SSC4D: variants seen among roughly 807,000 people sequenced by gnomAD.
The protein encoded by SSC4D is scavenger receptor cysteine-rich domain-containing group B protein.
SSC4D carries 57 observed loss-of-function variants against 63.4 expected under a neutral mutation model. That is an observed-to-expected ratio of 0.90 (90% CI 0.73 to 1.12). The LOEUF (loss-of-function observed/expected upper bound fraction) is 1.12. SSC4D is among the 50% of genes most tolerant of loss of function. The pLI is 0.00. For missense variants in SSC4D, 791 were observed against 806.4 expected, an observed-to-expected ratio of 0.98 and a Z score of 0.23; for synonymous variants, 352 against 345.4, an observed-to-expected ratio of 1.02 and a Z score of -0.21.
In SSC4D at chr7:76,393,650, C is replaced by G; in HGVS notation, c.1088G>C (p.Gly363Ala). 2 of 1,479,668 alleles carry G rather than the reference C, an allele frequency of 1.4e-6. No homozygotes were observed. Among genetic ancestry groups the G allele is most frequent in the South Asian group, 2.6e-5 (2 of 78,030 alleles). 91.7% of individuals were successfully genotyped at this position (1,479,668 alleles called of 1,614,324 possible). ...ATCGTCGCACACGGTGCCCCAGCCC[C>G]CGGCGTGCAACACCTCCACGCGGCC... ...CRGRVEVLHA[G>A]GWGTVCDDDW... The change falls in exon 9 of 11, where the codon GGG becomes GCG. Residue 363 changes from glycine to alanine, a missense_variant. Transcript: ENST00000275560.
Position 76,390,391 on chromosome 7 carries a change from G to T in SSC4D, c.1412-16C>A. ...CGTAGATGCCCTGTGGGGGGACAGGGCTGGGTTGGAAGGGGCTGGTCCATG... is the reference window on the plus strand; with the variant it reads ...CGTAGATGCCCTGTGGGGGGACAGGTCTGGGTTGGAAGGGGCTGGTCCATG... On this transcript the variant is annotated splice_polypyrimidine_tract_variant and intron_variant, in intron 10 of 10. Coordinates refer to ENST00000275560, the MANE Select transcript of SSC4D (RefSeq NM_080744.2). The T allele has an allele frequency of 6.4e-7, 1 of 1,561,628 alleles. No individual in the cohort carries two copies. The highest frequency in any genetic ancestry group is 8.7e-7 in the Non-Finnish European group (1 of 1,153,248).
chr7:76,409,104 G>A (rs1805144956), intron 1 of SSC4D, among the ~76,000 whole-genome samples: 2 of 152,106 alleles, frequency 1.3e-5, no homozygotes, highest in African/African-American at 4.8e-5. Context: ...TTTCTCCATC[G>A]AGACTGCAGA....
rs759473168 is a variant in SSC4D at position 76,400,407 on chromosome 7, G to C, written c.354C>G (p.Gly118=). 2 of 1,603,672 alleles carry C rather than the reference G, an allele frequency of 1.2e-6. No individual in the cohort carries two copies. The highest frequency in any genetic ancestry group is 3.4e-5 in the Admixed American group (2 of 59,108). The change falls in exon 4 of 11, where the codon GGC becomes GGG. Residue 118 remains glycine, a synonymous_variant. Transcript: ENST00000275560. ...PRPLAFGQGR[G]PILLDNVECR... Reference sequence around the variant, plus strand: ...ACTCCACGTTGTCCAGCAGGATGGGGCCTCGGCCTTGGCCAAAGGCAAGGG... The same window carrying C: ...ACTCCACGTTGTCCAGCAGGATGGGCCCTCGGCCTTGGCCAAAGGCAAGGG...
chr7:76,392,177 T>G, intron 9 of SSC4D, 136 bp from the exon 10 acceptor site: 1 of 785,194 alleles, frequency 1.3e-6, no homozygotes, highest in Non-Finnish European at 2.0e-6. Flanking sequence ...CCTGAAGAAC[T>G]GCTCCCCTTG....
rs759473168 is a variant in SSC4D, at chr7:76,400,407, G to T, written c.354C>A (p.Gly118=). ...PRPLAFGQGR[G]PILLDNVECR... is the part of the protein sequence containing the mutation. ...ACTCCACGTTGTCCAGCAGGATGGG[G>T]CCTCGGCCTTGGCCAAAGGCAAGGG... Residue 118 remains glycine, a synonymous_variant, in exon 4 of 11, where the codon GGC becomes GGA. Transcript: ENST00000275560. 1 of 1,603,672 alleles carries T rather than the reference G, an allele frequency of 6.2e-7. No homozygotes were observed. Among genetic ancestry groups the T allele is most frequent in the Admixed American group, 1.7e-5 (1 of 59,108 alleles).
intron 5 of SSC4D, among the ~76,000 whole-genome samples, chr7:76,398,155 G>C (rs149674444): frequency 1.3e-5 from 2 of 151,970 alleles, no homozygotes; most frequent in African/African-American, 4.8e-5. Context: ...CCTGAGGAAC[G>C]GGACCCTCTT....
chr7:76,391,349 G>A (rs1048400488), intron 10 of SSC4D, among the ~76,000 whole-genome samples: 2 of 151,468 alleles, frequency 1.3e-5, no homozygotes, highest in Non-Finnish European at 2.9e-5. Flanking sequence ...GCTGAGGCAC[G>A]AGAATCGCTT....
At chr7:76,394,097 C>A (rs888124307) in intron 7 of SSC4D, among the ~76,000 whole-genome samples, 193 bp from the exon 8 acceptor site, 36 of 152,170 alleles carry the variant, frequency 2.4e-4, no homozygotes, top group Non-Finnish European at 5.9e-5. Context: ...GAACCGAAAG[C>A]TAATTCTAGG....
chr7:76,395,222 C>T, intron 7 of SSC4D, 31 bp downstream of exon 7: 1 of 1,612,324 alleles, frequency 6.2e-7, no homozygotes, highest in Non-Finnish European at 8.5e-7. Context: ...CATACCCCTA[C>T]CATTCCCGCC....
At position 76,400,362 on chromosome 7, in the gene SSC4D, C is replaced by T. The variant is rs149419007; in HGVS notation, c.399G>A (p.Ala133=). 9.6e-5 allele frequency: 152 copies of T among 1,582,226 alleles called. 1 individual carries two copies. The African/African-American group carries it at 1.4e-3, about 14-fold the overall frequency. The change falls in exon 4 of 11, where the codon GCG becomes GCA. Residue 133 remains alanine, a synonymous_variant. Coordinates refer to ENST00000275560, the MANE Select transcript of SSC4D (RefSeq NM_080744.2). ...AGCCGCGGCTGCCGCACTCGCTCAG[C>T]GCAGCTTCCTGCCCGCGGCACTCCA... ...DNVECRGQEA[A]LSECGSRGWG...
At chr7:76,406,266 C>G (rs996950577) in intron 1 of SSC4D, among the ~76,000 whole-genome samples, 1 of 152,194 alleles carries the variant, frequency 6.6e-6, no homozygotes, top group African/African-American at 2.4e-5. Flanking sequence ...GCATGAGCCA[C>G]CGCACCTGGT....
chr7:76,394,148 A>C (rs1050432189), intron 7 of SSC4D, among the ~76,000 whole-genome samples: 1 of 152,136 alleles, frequency 6.6e-6, no homozygotes, highest in Non-Finnish European at 1.5e-5. Context: ...TCCTATCCTA[A>C]TTCCAATTGC....
chr7:76,394,826 A>G (rs1418969265), intron 7 of SSC4D, among the ~76,000 whole-genome samples: 1 of 145,320 alleles, frequency 6.9e-6, no homozygotes, highest in South Asian at 2.1e-4. Context: ...TATAATATAT[A>G]TGATATATAT....
At chr7:76,399,459 C>T (rs1804743208) in intron 4 of SSC4D, among the ~76,000 whole-genome samples, 1 of 152,130 alleles carries the variant, frequency 6.6e-6, no homozygotes, top group South Asian at 2.1e-4. Flanking sequence ...TTCTTGAAAA[C>T]TAGAAGCACT....
chr7:76,391,221 G>C (rs1392332255), intron 10 of SSC4D, among the ~76,000 whole-genome samples: 1 of 152,030 alleles, frequency 6.6e-6, no homozygotes, highest in Non-Finnish European at 1.5e-5. Flanking sequence ...ATCACTTGAG[G>C]TCAGGAGTTC....
At position 76,393,837 on chromosome 7, in the gene SSC4D, C is replaced by G. The variant is rs1381734863; in HGVS notation, c.1014G>C (p.Gly338=). ...ALLTTAAWAA[G]KKSGRLRLVG... ...CCAGGCACCGCCACTTACTTTTCTT[C>G]CCCGCGGCCCAGGCGGCGGTGGTGA... Residue 338 remains glycine, a synonymous_variant, in exon 8 of 11, where the codon GGG becomes GGC. Coordinates refer to ENST00000275560, the MANE Select transcript of SSC4D (RefSeq NM_080744.2). 1.3e-6 allele frequency: 2 copies of G among 1,596,078 alleles called. No individual in the cohort carries two copies. Among genetic ancestry groups the G allele is most frequent in the Middle Eastern group, 1.7e-4 (1 of 6,040 alleles).
At chr7:76,406,516 C>G (rs929751072) in intron 1 of SSC4D, among the ~76,000 whole-genome samples, 2 of 151,878 alleles carry the variant, frequency 1.3e-5, no homozygotes, top group African/African-American at 4.8e-5. Flanking sequence ...TAGGGTCTCA[C>G]TCTGTCACCC....
In SSC4D at chr7:76,390,120, C is replaced by A. The variant is rs777105386; in HGVS notation, c.1667G>T (p.Arg556Leu). ...GTGGTCACAGTTGTGGGCATCCCAG[C>A]GGATATGAGAGCAGAGCAGCAGAGC... The part of the protein sequence containing the change: ...ESALLLCSHI[R>L]WDAHNCDHSE... The change falls in exon 11 of 11, where the codon CGC (arginine) becomes CTC (leucine). Residue 556 changes from arginine (R) to leucine (L), a missense_variant. Transcript: ENST00000275560. 7.4e-6 allele frequency: 12 copies of A among 1,614,066 alleles called. No homozygotes were observed. Among genetic ancestry groups the A allele is most frequent in the Non-Finnish European group, 8.5e-6 (10 of 1,180,032 alleles).
At position 76,389,723 on chromosome 7, in the gene SSC4D, AG is replaced by A. The variant is rs2115728809; in HGVS notation, c.*335del. Reference sequence around the variant, plus strand: ...CCCTGAGCCTCCTGGATCTAGGTCAAGGAAGGCAGAGTCTGGTGCTATAAAA... The same window carrying A: ...CCCTGAGCCTCCTGGATCTAGGTCAAGAAGGCAGAGTCTGGTGCTATAAAA... On this transcript the variant is annotated 3_prime_UTR_variant, in exon 11 of 11. Coordinates refer to ENST00000275560, the MANE Select transcript of SSC4D (RefSeq NM_080744.2). The A allele has an allele frequency of 3.7e-6, 1 of 268,994 alleles. No individual in the cohort carries two copies. Among genetic ancestry groups the A allele is most frequent in the African/African-American group, 2.2e-5 (1 of 45,368 alleles). The allele number at this position is 268,994 out of a possible 1,614,324, so 16.7% of individuals were successfully genotyped here. A position where few individuals can be genotyped will look rare whatever the true frequency, so the allele number is the denominator to read the frequency against.
Sources: gnomAD v4.1 joint callset for allele counts (sites outside exome capture counted in the v4.1 genomes callset) on GRCh38, gnomAD v4.1.1 for gene constraint, MANE v1.5 for transcripts, NCBI Gene and HGNC (gene_info 2026-07-23, HGNC 2026-07-21) for gene names.